Variants in SH3BGRL2 observed in about 807,000 individuals in gnomAD.
SH3BGRL2 encodes SH3 domain binding glutamate rich protein like 2.
In SH3BGRL2, 21 loss-of-function variants were observed where a neutral mutation model predicts 14.8. The observed-to-expected ratio is 1.42, with a 90% CI of 1.01 to 2.05. The LOEUF (loss-of-function observed/expected upper bound fraction) is 2.05, where lower values mean the gene tolerates loss of function less well. Ranked by LOEUF, SH3BGRL2 falls within the 30% of genes most tolerant of loss-of-function variation. SH3BGRL2 has a pLI of 0.00. For missense variants in SH3BGRL2, 147 were observed against 130.8 expected, an observed-to-expected ratio of 1.12 and a Z score of -0.61; for synonymous variants, 50 against 47.8, an observed-to-expected ratio of 1.05 and a Z score of -0.19.
At chr6:79,573,431 C>A in the SH3BGRL2 span, among the ~76,000 whole-genome samples, 2 of 151,988 alleles carry the variant, frequency 1.3e-5, no homozygotes, top group Non-Finnish European at 2.9e-5. Flanking sequence ...GGATGAGGTC[C>A]CACTTTGTAG....
the SH3BGRL2 span, among the ~76,000 whole-genome samples, chr6:79,558,444 G>T: frequency 8.5e-5 from 13 of 152,202 alleles, no homozygotes; most frequent in East Asian, 2.5e-3. Context: ...TTTAGAAAGG[G>T]TTTTAAAATC....
chr6:79,664,162 G>A (rs535268033), intron 1 of SH3BGRL2, among the ~76,000 whole-genome samples: 19 of 152,276 alleles, frequency 1.2e-4, no homozygotes, highest in South Asian at 6.2e-4. Flanking sequence ...CTCGCCCTCC[G>A]TGGGCTGCAC....
At chr6:79,588,815 G>C in the SH3BGRL2 span, among the ~76,000 whole-genome samples, 2 of 152,076 alleles carry the variant, frequency 1.3e-5, no homozygotes, top group African/African-American at 2.4e-5. Context: ...ATAGAACCAG[G>C]ATCAGAATTT....
the SH3BGRL2 span, among the ~76,000 whole-genome samples, chr6:79,571,965 G>T: frequency 1.3e-5 from 2 of 152,096 alleles, no homozygotes; most frequent in African/African-American, 4.8e-5. Flanking sequence ...AGAATACAGA[G>T]AATTTCCATA....
At chr6:79,541,680 C>T in the SH3BGRL2 span, among the ~76,000 whole-genome samples, 1 of 152,082 alleles carries the variant, frequency 6.6e-6, no homozygotes, top group Non-Finnish European at 1.5e-5. Context: ...GAGTTTGCTT[C>T]GGGAAAGAAT....
intron 1 of SH3BGRL2, among the ~76,000 whole-genome samples, chr6:79,650,785 A>G (rs1769274781): frequency 6.6e-6 from 1 of 152,104 alleles, no homozygotes; most frequent in South Asian, 2.1e-4. Flanking sequence ...GATTTGAAAG[A>G]CAAATATCCA....
chr6:79,549,404 C>A, the SH3BGRL2 span, among the ~76,000 whole-genome samples: 1 of 152,280 alleles, frequency 6.6e-6, no homozygotes, highest in African/African-American at 2.4e-5. Flanking sequence ...ATGTTTTGGT[C>A]AATGGACCAC....
rs1279553736 is a variant in SH3BGRL2 at position 79,699,527 on chromosome 6, T to A, written c.*18T>A. 1 of 1,508,140 alleles carries A rather than the reference T, an allele frequency of 6.6e-7. No homozygotes were observed. Among genetic ancestry groups the A allele is most frequent in the African/African-American group, 1.5e-5 (1 of 65,832 alleles). 93.4% of individuals were successfully genotyped at this position (1,508,140 alleles called of 1,614,324 possible). On this transcript the variant is annotated 3_prime_UTR_variant, in exon 4 of 4. Transcript: ENST00000369838. ...AACCTTAGAGAAGAAGAGTGGAAGA[T>A]GACGGAGATGCATTTTGAAGCACCC...
At chr6:79,644,888 G>A (rs550978543) in intron 1 of SH3BGRL2, among the ~76,000 whole-genome samples, 3 of 151,716 alleles carry the variant, frequency 2.0e-5, no homozygotes, top group South Asian at 2.1e-4. Flanking sequence ...GGCCGGGCGC[G>A]GTGGCTCACC....
the SH3BGRL2 span, among the ~76,000 whole-genome samples, chr6:79,552,228 G>C: frequency 2.6e-5 from 4 of 152,344 alleles, no homozygotes; most frequent in East Asian, 7.7e-4. Context: ...CAAAGCTGTA[G>C]TTACGGCTGG....
At chr6:79,699,289 A>T (rs566057264) in intron 3 of SH3BGRL2, among the ~76,000 whole-genome samples, 1 of 152,088 alleles carries the variant, frequency 6.6e-6, no homozygotes, top group Non-Finnish European at 1.5e-5. Flanking sequence ...CCACTTTTAT[A>T]TTTGGCAGGT....
chr6:79,634,230 A>C lies in SH3BGRL2; in HGVS notation c.45+2724A>C, dbSNP rs1477414519. On this transcript the variant is annotated intron_variant, in intron 1 of 3. Transcript: ENST00000369838. ...TAAGCTCTCCAGCTTCAGCAGTTGG[A>C]ATAACTAACACCAAGGAATGATTCC... Among the ~76,000 whole-genome samples the C allele has an allele frequency of 2.0e-5, 3 of 152,216 alleles. No homozygotes were observed. The East Asian group carries it at 5.8e-4, about 29-fold the overall frequency.
chr6:79,634,730 G>T (rs565997791), intron 1 of SH3BGRL2, among the ~76,000 whole-genome samples: 1 of 152,268 alleles, frequency 6.6e-6, no homozygotes, highest in Non-Finnish European at 1.5e-5. Context: ...GTTAGGAAAG[G>T]TAGTAAAGTA....
In SH3BGRL2 at chr6:79,631,467, C is replaced by A; in HGVS notation, c.6C>A (p.Val2=). ...GTCCCGGGCGCAGCGAGAGGATGGT[C>A]ATCCGCGTGTTCATCGCCTCTTCCT... is the stretch of plus-strand genomic sequence containing the variant. M[V]IRVFIASSSG... The change falls in exon 1 of 4, where the codon GTC becomes GTA. Residue 2 remains valine (V), a synonymous_variant. Coordinates refer to ENST00000369838, the MANE Select transcript of SH3BGRL2 (RefSeq NM_031469.4). 1 of 1,512,594 alleles carries A rather than the reference C, an allele frequency of 6.6e-7. No individual in the cohort carries two copies. The highest frequency in any genetic ancestry group is 1.3e-5 in the South Asian group (1 of 78,036). The allele number at this position is 1,512,594 out of a possible 1,614,324, so 93.7% of individuals were successfully genotyped here. A position where few individuals can be genotyped will look rare whatever the true frequency, so the allele number is the denominator to read the frequency against.
the SH3BGRL2 span, among the ~76,000 whole-genome samples, chr6:79,563,577 G>A: frequency 6.6e-6 from 1 of 152,018 alleles, no homozygotes; most frequent in Non-Finnish European, 1.5e-5. Flanking sequence ...TGCTGGTTTT[G>A]GAACTGTAAA....
At chr6:79,600,308 C>T in the SH3BGRL2 span, among the ~76,000 whole-genome samples, 7 of 152,108 alleles carry the variant, frequency 4.6e-5, no homozygotes, top group African/African-American at 1.2e-4. Context: ...TGCCACTGGC[C>T]CAGATAATTG....
At chr6:79,570,907 A>T in the SH3BGRL2 span, among the ~76,000 whole-genome samples, 1 of 152,236 alleles carries the variant, frequency 6.6e-6, no homozygotes, top group Non-Finnish European at 1.5e-5. Context: ...GCTTTAACGA[A>T]TATGAATGTA....
chr6:79,657,663 C>T (rs998944217), intron 1 of SH3BGRL2, among the ~76,000 whole-genome samples: 3 of 151,858 alleles, frequency 2.0e-5, no homozygotes, highest in African/African-American at 4.8e-5. Context: ...GTTGCCCAGG[C>T]TGGAGTGCAA....
In SH3BGRL2 at chr6:79,677,910, A is replaced by G. The variant is rs139864893; in HGVS notation, c.231+4111A>G. 4.0e-3 allele frequency among the ~76,000 whole-genome samples: 605 copies of G among 152,298 alleles called. 10 individuals carry two copies. The highest frequency in any genetic ancestry group is 0.013 in the African/African-American group (554 of 41,568). On this transcript the variant is annotated intron_variant, in intron 2 of 3. Coordinates refer to ENST00000369838, the MANE Select transcript of SH3BGRL2 (RefSeq NM_031469.4). ...CACTTTGGCTTTTATGATGAATTGT[A>G]GTGTCTGATTTGGATTTTAGAAAGC...
Sources: allele counts gnomAD v4.1 joint callset (sites outside exome capture counted in the v4.1 genomes callset), GRCh38; gene constraint gnomAD v4.1.1; transcripts MANE v1.5; gene names NCBI Gene and HGNC (gene_info 2026-07-23, HGNC 2026-07-21).